Variants in KDM3B observed in about 807,000 individuals in gnomAD.
The protein encoded by KDM3B is lysine-specific demethylase 3B.
Under a neutral mutation model 170.0 loss-of-function variants are expected in KDM3B, and 10 were observed. The ratio of observed to expected loss-of-function variants is 0.06; its 90% CI spans 0.04 to 0.10. The LOEUF is 0.10. Among genes scored for constraint, KDM3B ranks in the 10% least tolerant of loss-of-function variants. KDM3B has a pLI of 1.00. For missense variants in KDM3B, 1,394 were observed against 2,195.2 expected (o/e 0.64, Z 7.29); for synonymous variants, 831 against 834.8 (o/e 1.00, Z 0.08).
intron 19 of KDM3B, among the ~76,000 whole-genome samples, chr5:138,427,661 A>G (rs1190907909): frequency 6.6e-6 from 1 of 152,202 alleles, no homozygotes; most frequent in Non-Finnish European, 1.5e-5. Context: ...TGTTAAGGCC[A>G]GGGATGACCT....
chr5:138,365,000 G>A (rs1007424769), intron 1 of KDM3B, among the ~76,000 whole-genome samples: 3 of 152,190 alleles, frequency 2.0e-5, no homozygotes, highest in African/African-American at 4.8e-5. Context: ...ACTGTAAAGA[G>A]AAAATTATTT....
intron 9 of KDM3B, among the ~76,000 whole-genome samples, chr5:138,397,448 C>T (rs949513587): frequency 6.6e-6 from 1 of 152,172 alleles, no homozygotes; most frequent in African/African-American, 2.4e-5. Context: ...GTCAAGGCTG[C>T]AGTGAGCTGT....
chr5:138,430,602 TA>T lies in KDM3B; in HGVS notation c.5070+180del, dbSNP rs1763505713. Among the ~76,000 whole-genome samples, 4 of 152,198 alleles carry T rather than the reference TA, an allele frequency of 2.6e-5. No homozygotes were observed. In the South Asian group the frequency reaches 6.2e-4, roughly 24 times the overall value. On this transcript the variant is annotated intron_variant, in intron 22 of 23. Transcript: ENST00000314358. ...ACATTAAGGCTCATTTAAAAAATTT[TA>T]AACAGGGCGGTCCTGGTAGCTCAAC...
At position 138,431,919 on chromosome 5, in the gene KDM3B, A is replaced by C. The variant is rs140337066; in HGVS notation, c.5205+360A>C. On this transcript the variant is annotated intron_variant, in intron 23 of 23. Transcript: ENST00000314358. ...AGAGCAAGACTCCCATCTCAAAAAA[A>C]AAAAAACAAAAAACAGTTTTTCTTC... Among the ~76,000 whole-genome samples, 132 of 152,056 alleles carry C rather than the reference A, an allele frequency of 8.7e-4. 1 individual carries two copies. Among genetic ancestry groups the C allele is most frequent in the East Asian group, 3.1e-3 (16 of 5,172 alleles).
At chr5:138,420,220 G>T (rs1309699278) in intron 14 of KDM3B, among the ~76,000 whole-genome samples, 1 of 152,178 alleles carries the variant, frequency 6.6e-6, no homozygotes, top group Non-Finnish European at 1.5e-5. Context: ...TTCTGAGATG[G>T]TTCTGTTATG....
In KDM3B at chr5:138,388,354, G is replaced by C. The variant is rs562378099; in HGVS notation, c.1380+1733G>C. Among the ~76,000 whole-genome samples the C allele has an allele frequency of 2.0e-5, 3 of 152,108 alleles. No homozygotes were observed. The South Asian group carries it at 6.2e-4, about 32-fold the overall frequency. ...GATTTAAAAGTATAGAAATGAGCCA[G>C]GCATAGTACAGCTCATGCCTGTAAT... On this transcript the variant is annotated intron_variant, in intron 7 of 23. Coordinates refer to ENST00000314358, the MANE Select transcript of KDM3B (RefSeq NM_016604.4).
At chr5:138,407,411 T>A (rs1316385145) in intron 11 of KDM3B, among the ~76,000 whole-genome samples, 1 of 152,164 alleles carries the variant, frequency 6.6e-6, no homozygotes, top group East Asian at 1.9e-4. Context: ...GGTCTTTTCC[T>A]CTTGGAAGCC....
intron 16 of KDM3B, 38 bp from the exon 17 acceptor site, chr5:138,425,373 C>T: frequency 1.9e-6 from 3 of 1,596,480 alleles, no homozygotes. Flanking sequence ...GGAAGTTTTT[C>T]CTAGATTGCT....
rs532707117 is a variant in KDM3B, at chr5:138,415,111, G to T, written c.3200-21G>T. On this transcript the variant is annotated intron_variant, in intron 11 of 23. Transcript: ENST00000314358. ...CATTTTTGTGACCCTTATAAAATAAGTGAAATCATTTCTATTTCAGAGACA... is the reference window on the plus strand; with the variant it reads ...CATTTTTGTGACCCTTATAAAATAATTGAAATCATTTCTATTTCAGAGACA... 12 of 1,527,636 alleles carry T rather than the reference G, an allele frequency of 7.9e-6. No homozygotes were observed. The Admixed American group carries it at 1.2e-4, about 16-fold the overall frequency. 94.6% of individuals were successfully genotyped at this position (1,527,636 alleles called of 1,614,324 possible).
intron 11 of KDM3B, among the ~76,000 whole-genome samples, chr5:138,413,306 C>T (rs758980775): frequency 6.6e-5 from 10 of 151,060 alleles, no homozygotes; most frequent in African/African-American, 1.7e-4. Context: ...TTGCTTGAAC[C>T]GGGGAGGCAG....
At chr5:138,392,721 C>T (rs948692897) in intron 8 of KDM3B, among the ~76,000 whole-genome samples, 1 of 152,186 alleles carries the variant, frequency 6.6e-6, no homozygotes, top group African/African-American at 2.4e-5. Context: ...ATTTTAACAG[C>T]TCTATCAAAA....
At chr5:138,390,466 A>G (rs1295348214) in intron 7 of KDM3B, among the ~76,000 whole-genome samples, 1 of 152,182 alleles carries the variant, frequency 6.6e-6, no homozygotes, top group Non-Finnish European at 1.5e-5. Flanking sequence ...CATGTTGTGG[A>G]CTTTCAGATT....
chr5:138,417,340 A>G lies in KDM3B; in HGVS notation c.3308-143A>G, dbSNP rs2126987475. On this transcript the variant is annotated intron_variant, in intron 12 of 23. Transcript: ENST00000314358. ...AACTTCTTCTCTCAGCCTCAGTTTG[A>G]TCATCAAAAATTGAAGTAAAAGCAG... The G allele has an allele frequency of 3.8e-6, 3 of 790,064 alleles. No homozygotes were observed. In the South Asian group the frequency reaches 5.6e-5, roughly 15 times the overall value. The allele number at this position is 790,064 out of a possible 1,614,324, so 48.9% of individuals were successfully genotyped here.
chr5:138,371,803 G>T (rs763937413), intron 1 of KDM3B, among the ~76,000 whole-genome samples: 1 of 152,034 alleles, frequency 6.6e-6, no homozygotes, highest in African/African-American at 2.4e-5. Flanking sequence ...TATCTCTACC[G>T]AAATAATTAA....
intron 11 of KDM3B, among the ~76,000 whole-genome samples, chr5:138,405,652 TACAC>T (rs1472237766): frequency 6.6e-6 from 1 of 152,184 alleles, no homozygotes; most frequent in East Asian, 1.9e-4. Context: ...AATCAGAACT[TACAC>T]AAAGTAATGA....
intron 1 of KDM3B, among the ~76,000 whole-genome samples, chr5:138,370,630 A>C (rs1761849887): frequency 6.6e-6 from 1 of 152,176 alleles, no homozygotes; most frequent in South Asian, 2.1e-4. Context: ...ATGTATTTGA[A>C]AAATCATAGC....
rs976875756 is a variant in KDM3B, at chr5:138,363,070, GCTGA to G, written c.193-9600_193-9597del. On this transcript the variant is annotated intron_variant, in intron 1 of 23. Transcript: ENST00000314358. ...TGTATTATTTTTCTTTCCTTAAACT[GCTGA>G]CTGTTTATTTCAATCACCTAACCCT... Among the ~76,000 whole-genome samples the G allele has an allele frequency of 1.3e-3, 204 of 151,754 alleles. 1 individual carries two copies. The highest frequency in any genetic ancestry group is 4.5e-3 in the African/African-American group (188 of 41,368).
chr5:138,391,326 G>A lies in KDM3B; in HGVS notation c.1694G>A (p.Ser565Asn). 2.5e-6 allele frequency: 4 copies of A among 1,614,178 alleles called. No individual in the cohort carries two copies. Among genetic ancestry groups the A allele is most frequent in the Non-Finnish European group, 3.4e-6 (4 of 1,180,020 alleles). The change falls in exon 8 of 24, where the codon AGC becomes AAC. Residue 565 changes from serine to asparagine, a missense_variant. Transcript: ENST00000314358. The surrounding 1 kb of genome is among the most constrained non-coding windows in gnomAD (Gnocchi z 5.0). ...TTCAAACAAAGCCTTGAGAGCCTGA[G>A]CTCAGGCCTGTGTAAAGGCAGATCC... is the stretch of plus-strand genomic sequence containing the variant. ...DSFKQSLESLSSGLCKGRSVL... is the reference protein window; with the variant it reads ...DSFKQSLESLNSGLCKGRSVL...
intron 14 of KDM3B, among the ~76,000 whole-genome samples, chr5:138,419,728 TACACACACACACACACAC>T (rs144047213): frequency 2.5e-5 from 3 of 122,186 alleles, no homozygotes; most frequent in South Asian, 2.8e-4. Context: ...TACACACACA[TACACACACACACACACAC>T]ACACACACAC....
Sources: allele counts gnomAD v4.1 joint callset (sites outside exome capture counted in the v4.1 genomes callset), GRCh38; gene constraint gnomAD v4.1.1; non-coding constraint Gnocchi (gnomAD v3.1); transcripts MANE v1.5; gene names NCBI Gene and HGNC (gene_info 2026-07-23, HGNC 2026-07-21).